SZT2: variants seen among roughly 807,000 people sequenced by gnomAD.
SZT2 encodes SZT2 subunit of KICSTOR complex, also known as KICSTOR complex protein SZT2.
Under a neutral mutation model 404.2 loss-of-function variants are expected in SZT2, and 216 were observed. That is an observed-to-expected ratio of 0.53 (90% CI 0.48 to 0.60). SZT2 has a LOEUF of 0.60. Ranked by LOEUF, SZT2 falls within the 20% of genes least tolerant of loss-of-function variation. The pLI is 0.00. For missense variants in SZT2, 3,857 were observed against 4,459.2 expected (o/e 0.86, Z 3.85); for synonymous variants, 1,693 against 1,749.9 (o/e 0.97, Z 0.81).
chr1:43,453,155 CTG>C lies in SZT2; in HGVS notation c.*2676_*2677del. 1.5e-6 allele frequency: 1 copy of C among 664,988 alleles called. No homozygotes were observed. Among genetic ancestry groups the C allele is most frequent in the South Asian group, 1.8e-5 (1 of 56,850 alleles). The allele number at this position is 664,988 out of a possible 1,614,324, so 41.2% of individuals were successfully genotyped here. ...TTACTCTCCTATCTGCCTAGGCAGA[CTG>C]AGCTCCCAGCATGGGATCCCAGCAT... On this transcript the variant is annotated 3_prime_UTR_variant, in exon 72 of 72. Coordinates refer to ENST00000634258, the MANE Select transcript of SZT2 (RefSeq NM_001365999.1).
rs1654894278 is a variant in SZT2, at chr1:43,440,023, A to G, written c.7185A>G (p.Ser2395=). 2 of 1,613,958 alleles carry G rather than the reference A, an allele frequency of 1.2e-6. No homozygotes were observed. Among genetic ancestry groups the G allele is most frequent in the Non-Finnish European group, 1.7e-6 (2 of 1,179,964 alleles). Residue 2395 remains serine, a synonymous_variant, in exon 51 of 72, where the codon TCA becomes TCG. Transcript: ENST00000634258. ...AIIELQLLPA[S]LCTEDTPTGS... ...TCGAGCTTCAGCTGCTGCCAGCTTC[A>G]CTATGTACAGAGGACACACCCACAG...
In SZT2 at chr1:43,451,475, T is replaced by TA. The variant is rs1429524671; in HGVS notation, c.*996dup. 6.2e-7 allele frequency: 1 copy of TA among 1,614,078 alleles called. No individual in the cohort carries two copies. Among genetic ancestry groups the TA allele is most frequent in the African/African-American group, 1.3e-5 (1 of 75,038 alleles). ...TTCATCTTCCAGCAGTTGAAACAGA[T>TA]AGGGGAAATTCAGCTCTCCGGGGCT... On this transcript the variant is annotated 3_prime_UTR_variant, in exon 72 of 72. Transcript: ENST00000634258.
At chr1:43,419,657 C>T (rs181838604) in intron 7 of SZT2, 77 bp from the exon 8 acceptor site, 33 of 1,251,182 alleles carry the variant, frequency 2.6e-5, no homozygotes, top group African/African-American at 2.5e-4. Flanking sequence ...GCCACCTAGC[C>T]CAGTCTCTTT....
intron 4 of SZT2, among the ~76,000 whole-genome samples, chr1:43,413,130 G>A (rs146159056): frequency 3.3e-5 from 5 of 152,326 alleles, no homozygotes; most frequent in South Asian, 2.1e-4. Flanking sequence ...GGCTGGGCAC[G>A]GTGCCTCATA....
intron 4 of SZT2, among the ~76,000 whole-genome samples, chr1:43,408,360 C>T (rs925285049): frequency 6.6e-6 from 1 of 152,108 alleles, no homozygotes; most frequent in Non-Finnish European, 1.5e-5. Context: ...AACTTCTGGG[C>T]TTAAGTGATC....
At position 43,437,798 on chromosome 1, in the gene SZT2, G is replaced by A. The variant is rs947872770; in HGVS notation, c.6404G>A (p.Arg2135His). 4 of 1,614,146 alleles carry A rather than the reference G, an allele frequency of 2.5e-6. No individual in the cohort carries two copies. Among genetic ancestry groups the A allele is most frequent in the South Asian group, 2.2e-5 (2 of 91,086 alleles). The change falls in exon 46 of 72, where the codon CGT becomes CAT. Residue 2135 changes from arginine (R) to histidine (H), a missense_variant. Arg to His is a conservative substitution (Grantham distance 29). Around this residue, in one of 7 missense-constraint regions of SZT2, gnomAD observed 261 missense variants for 372.9 expected, o/e 0.70. Transcript: ENST00000634258. This position sits in a 1 kb window ranked among gnomAD's most constrained non-coding sequence, Gnocchi z 5.3. The stretch of plus-strand genomic sequence containing the variant: ...CCACAGTTTTCCCTGTAGGGTCCTC[G>A]TTCTCCCTTAGACATGGTCTCTAGC... ...PIYSEEASGP[R>H]SPLDMVSSRS...
In SZT2 at chr1:43,427,142, G is replaced by A; in HGVS notation, c.3396G>A (p.Gln1132=). 6.2e-7 allele frequency: 1 copy of A among 1,614,128 alleles called. No individual in the cohort carries two copies. Among genetic ancestry groups the A allele is most frequent in the Non-Finnish European group, 8.5e-7 (1 of 1,180,026 alleles). The change falls in exon 24 of 72, where the codon CAG becomes CAA. Residue 1132 remains glutamine, a synonymous_variant. Transcript: ENST00000634258. ...WRCYARLVNP[Q]HVFLTFLPAT... Reference sequence around the variant, plus strand: ...GCTATGCAAGGCTTGTGAACCCCCAGCATGTGTTTCTGACTTTTCTCCCAG... The same window carrying A: ...GCTATGCAAGGCTTGTGAACCCCCAACATGTGTTTCTGACTTTTCTCCCAG...
In SZT2 at chr1:43,425,840, C is replaced by T. The variant is rs899697137; in HGVS notation, c.2820C>T (p.His940=). Reference sequence around the variant, plus strand: ...CTCTGATGTTCTTCCTGTAGCTCCACCCACGGGATGCTGCCTGCATAGGCT... The same window carrying T: ...CTCTGATGTTCTTCCTGTAGCTCCATCCACGGGATGCTGCCTGCATAGGCT... ...LTYSEIPQAL[H]PRDAACIGSM... Residue 940 remains histidine, a synonymous_variant, in exon 20 of 72, where the codon CAC becomes CAT. Coordinates refer to ENST00000634258, the MANE Select transcript of SZT2 (RefSeq NM_001365999.1). The surrounding 1 kb of genome is among the most constrained non-coding windows in gnomAD (Gnocchi z 4.3). The T allele has an allele frequency of 3.1e-6, 5 of 1,613,866 alleles. No individual in the cohort carries two copies. Among genetic ancestry groups the T allele is most frequent in the Admixed American group, 1.7e-5 (1 of 60,020 alleles).
At chr1:43,445,453 G>C (rs915317337) in intron 62 of SZT2, 2 of 260,656 alleles carry the variant, frequency 7.7e-6, no homozygotes, top group East Asian at 8.9e-5. Context: ...GCACTAAACT[G>C]TAACGAGCAG....
chr1:43,445,476 A>G, intron 62 of SZT2: 1 of 255,184 alleles, frequency 3.9e-6, no homozygotes, highest in Non-Finnish European at 7.6e-6. Flanking sequence ...GGCCTCTGAA[A>G]GCCTGGAACT....
chr1:43,431,945 C>A (rs774622110), intron 36 of SZT2, 44 bp downstream of exon 36: 18 of 1,604,372 alleles, frequency 1.1e-5, no homozygotes, highest in Non-Finnish European at 1.4e-5. Context: ...TGGGGCCCGT[C>A]CTTCCCTGGG....
At position 43,427,192 on chromosome 1, in the gene SZT2, G is replaced by T. The variant is rs781108781; in HGVS notation, c.3433+13G>T. The T allele has an allele frequency of 3.3e-5, 54 of 1,613,738 alleles. No individual in the cohort carries two copies. Among genetic ancestry groups the T allele is most frequent in the Non-Finnish European group, 4.2e-5 (50 of 1,179,914 alleles). Reference sequence around the variant, plus strand: ...GCTACCTTCTCAGGTGCCAGCTGCTGACCTCCTCACGAACCCCCTCAGATA... The same window carrying T: ...GCTACCTTCTCAGGTGCCAGCTGCTTACCTCCTCACGAACCCCCTCAGATA... On this transcript the variant is annotated intron_variant, in intron 24 of 71. Coordinates refer to ENST00000634258, the MANE Select transcript of SZT2 (RefSeq NM_001365999.1).
At chr1:43,409,892 T>G (rs1200806236) in intron 4 of SZT2, 1 of 152,242 alleles carries the variant, frequency 6.6e-6, no homozygotes, top group Non-Finnish European at 1.5e-5. Context: ...ACATTCTTCA[T>G]AGAAATAGAG....
intron 4 of SZT2, among the ~76,000 whole-genome samples, chr1:43,413,336 A>G (rs141280231): frequency 0.015 from 2,347 of 152,240 alleles, 28 homozygotes; most frequent in Non-Finnish European, 0.024. Flanking sequence ...GAGCCGAGAT[A>G]GTGTCACTGC....
intron 1 of SZT2, among the ~76,000 whole-genome samples, chr1:43,401,050 T>G (rs932085032): frequency 6.6e-5 from 10 of 152,004 alleles, no homozygotes; most frequent in Admixed American, 6.5e-4. Context: ...GCTTCCAGAG[T>G]AGCTGGGACT....
chr1:43,392,955 A>C (rs1648579560), intron 1 of SZT2, among the ~76,000 whole-genome samples: 1 of 152,330 alleles, frequency 6.6e-6, no homozygotes, highest in Admixed American at 6.5e-5. Context: ...GTGGATACAG[A>C]GCCGTGTAAG....
rs1652911394 is a variant in SZT2 at position 43,424,550 on chromosome 1, A to G, written c.2471+118A>G. On this transcript the variant is annotated intron_variant, in intron 16 of 71. Coordinates refer to ENST00000634258, the MANE Select transcript of SZT2 (RefSeq NM_001365999.1). This position sits in a 1 kb window ranked among gnomAD's most constrained non-coding sequence, Gnocchi z 4.1. ...CTCTCTAATTCCCAGTCTGAAGTAT[A>G]GAGCAGCATCTGCTACTGCCCTCCC... The G allele has an allele frequency of 1.8e-6, 2 of 1,119,686 alleles. No homozygotes were observed. Among genetic ancestry groups the G allele is most frequent in the African/African-American group, 1.5e-5 (1 of 64,700 alleles). The allele number at this position is 1,119,686 out of a possible 1,614,324, so 69.4% of individuals were successfully genotyped here.
rs1054060243 is a variant in SZT2 at position 43,452,389 on chromosome 1, CTG to C, written c.*1912_*1913del. The C allele has an allele frequency of 2.4e-6, 3 of 1,265,252 alleles. No homozygotes were observed. Among genetic ancestry groups the C allele is most frequent in the Admixed American group, 1.9e-5 (1 of 52,520 alleles). 78.4% of individuals were successfully genotyped at this position (1,265,252 alleles called of 1,614,324 possible). A position where few individuals can be genotyped will look rare whatever the true frequency, so the allele number is the denominator to read the frequency against. On this transcript the variant is annotated 3_prime_UTR_variant, in exon 72 of 72. Coordinates refer to ENST00000634258, the MANE Select transcript of SZT2 (RefSeq NM_001365999.1). ...CTGCACCTCTTCCAGGATTCCCTGA[CTG>C]TGCCAGCCCTCGTCCGTCTCCCCAG...
rs764683501 is a variant in SZT2 at position 43,422,124 on chromosome 1, C to A, written c.1668C>A (p.Ala556=). 1 of 1,597,976 alleles carries A rather than the reference C, an allele frequency of 6.3e-7. No individual in the cohort carries two copies. Among genetic ancestry groups the A allele is most frequent in the South Asian group, 1.1e-5 (1 of 91,020 alleles). Residue 556 remains alanine, a synonymous_variant, in exon 12 of 72, where the codon GCC becomes GCA. Transcript: ENST00000634258. ...CCAGTGGTTCTGACTCATCCCATGC[C>A]CAGTTTGCTGCCTACTGGAAGCCAG... The part of the protein sequence containing the change: ...LQPSGSDSSH[A]QFAAYWKPVL...
Sources: gnomAD v4.1 joint callset for allele counts (sites outside exome capture counted in the v4.1 genomes callset) on GRCh38, gnomAD v4.1.1 for gene constraint, gnomAD v4.1.1 regional missense constraint, Gnocchi (gnomAD v3.1) non-coding constraint, MANE v1.5 for transcripts, NCBI Gene and HGNC (gene_info 2026-07-23, HGNC 2026-07-21) for gene names.